IFI44: variants seen among roughly 807,000 people sequenced by gnomAD.
The protein encoded by IFI44 is interferon induced protein 44.
In IFI44, 42 loss-of-function variants were observed where a neutral mutation model predicts 45.0. That is an observed-to-expected ratio of 0.93 (90% CI 0.73 to 1.21). IFI44 has a LOEUF of 1.21. Among genes scored for constraint, IFI44 ranks in the 50% most tolerant of loss-of-function variants. IFI44 has a pLI of 0.00. For missense variants in IFI44, 623 were observed against 525.8 expected, an observed-to-expected ratio of 1.18 and a Z score of -1.81; for synonymous variants, 221 against 188.6, an observed-to-expected ratio of 1.17 and a Z score of -1.41.
chr1:78,654,426 A>G, intron 3 of IFI44, 147 bp downstream of exon 3: 2 of 528,886 alleles, frequency 3.8e-6, no homozygotes. Context: ...ATCATAAAAT[A>G]TTTGATAATA....
Position 78,650,406 on chromosome 1 carries a change from G to A in IFI44, c.211G>A (p.Glu71Lys). 1 of 1,613,956 alleles carries A rather than the reference G, an allele frequency of 6.2e-7. No homozygotes were observed. Among genetic ancestry groups the A allele is most frequent in the Non-Finnish European group, 8.5e-7 (1 of 1,179,880 alleles). ...AGCATATGCAGAAGAGAGTTACCAGGAAGGAAAGTATGCTTCCATCATCCT... is the reference window on the plus strand; with the variant it reads ...AGCATATGCAGAAGAGAGTTACCAGAAAGGAAAGTATGCTTCCATCATCCT... ...IGAYAEESYQ[E>K]GKYASIILFA... Residue 71 changes from glutamate (E) to lysine (K), a missense_variant, in exon 2 of 9, where the codon GAA becomes AAA. Physicochemically the swap from Glu to Lys is moderately conservative, Grantham distance 56 (BLOSUM62 1). Coordinates refer to ENST00000370747, the MANE Select transcript of IFI44 (RefSeq NM_006417.5).
chr1:78,657,202 C>T (rs1647232495), intron 5 of IFI44, among the ~76,000 whole-genome samples: 1 of 151,996 alleles, frequency 6.6e-6, no homozygotes, highest in Non-Finnish European at 1.5e-5. Context: ...TTTCTAATTG[C>T]TTTATAAATA....
At chr1:78,652,061 C>T (rs1000862270) in intron 2 of IFI44, among the ~76,000 whole-genome samples, 19 of 152,144 alleles carry the variant, frequency 1.2e-4, no homozygotes, top group African/African-American at 4.6e-4. Context: ...TCAAGGCAGG[C>T]AAGCATGCCC....
chr1:78,658,309 A>G (rs1647275971), intron 5 of IFI44, among the ~76,000 whole-genome samples: 1 of 152,080 alleles, frequency 6.6e-6, no homozygotes, highest in Admixed American at 6.6e-5. Context: ...AGTACCATGA[A>G]CAATCTCATC....
At chr1:78,655,672 A>G (rs1330901487) in intron 5 of IFI44, among the ~76,000 whole-genome samples, 161 bp downstream of exon 5, 1 of 152,038 alleles carries the variant, frequency 6.6e-6, no homozygotes, top group Non-Finnish European at 1.5e-5. Flanking sequence ...GGGCTCTTCC[A>G]TCATGGCTAT....
rs1246778144 is a variant in IFI44 at position 78,650,218 on chromosome 1, CAT to C, written c.24_25del (p.Trp9ValfsTer16). The C allele has an allele frequency of 5.6e-6, 9 of 1,604,908 alleles. No homozygotes were observed. The highest frequency in any genetic ancestry group is 7.7e-6 in the Non-Finnish European group (9 of 1,172,530). On this transcript the variant is annotated frameshift_variant, in exon 2 of 9. Transcript: ENST00000370747. LOFTEE classifies it high-confidence loss of function. ...AGTATGGCAGTGACAACTCGTTTGA[CAT>C]GGTTGCACGAAAAGATCCTGCAAAA...
intron 1 of IFI44, 82 bp from the exon 2 acceptor site, chr1:78,650,104 A>G (rs1370318268): frequency 1.6e-5 from 15 of 918,118 alleles, no homozygotes; most frequent in Non-Finnish European, 2.4e-5. Flanking sequence ...TAGAGTATAT[A>G]AGAGGCATAA....
rs767397102 is a variant in IFI44, at chr1:78,655,040, T to G, written c.521T>G (p.Leu174Trp). Residue 174 changes from leucine to tryptophan, a missense_variant, in exon 4 of 9, where the codon TTG becomes TGG. Leu to Trp is a moderately conservative substitution (Grantham distance 61). Transcript: ENST00000370747. ...IELRKSLLSA[L>W]RTYEPYGSLV... ...CTCAGGAAGAGCTTACTGTCTGCCT[T>G]GAGAACTTATGAACCATATGGATCC... is the stretch of plus-strand genomic sequence containing the variant. The G allele has an allele frequency of 6.2e-7, 1 of 1,613,500 alleles. No homozygotes were observed. Among genetic ancestry groups the G allele is most frequent in the African/African-American group, 1.3e-5 (1 of 75,030 alleles).
chr1:78,657,764 G>A (rs1647253205), intron 5 of IFI44, among the ~76,000 whole-genome samples: 1 of 152,072 alleles, frequency 6.6e-6, no homozygotes, highest in African/African-American at 2.4e-5. Flanking sequence ...ATAGGGTCAA[G>A]ATATTATTTT....
At position 78,650,243 on chromosome 1, in the gene IFI44, A is replaced by G; in HGVS notation, c.48A>G (p.Gln16=). 1 of 1,609,716 alleles carries G rather than the reference A, an allele frequency of 6.2e-7. No homozygotes were observed. The highest frequency in any genetic ancestry group is 8.5e-7 in the Non-Finnish European group (1 of 1,176,262). Residue 16 remains glutamine, a synonymous_variant, in exon 2 of 9, where the codon CAA becomes CAG. Transcript: ENST00000370747. ...CATGGTTGCACGAAAAGATCCTGCA[A>G]AATCATTTTGGAGGGAAGCGGCTTA... ...RLTWLHEKIL[Q]NHFGGKRLSL...
intron 5 of IFI44, among the ~76,000 whole-genome samples, chr1:78,656,222 G>T (rs1198124417): frequency 6.6e-6 from 1 of 152,158 alleles, no homozygotes; most frequent in Non-Finnish European, 1.5e-5. Context: ...TGACTGAGAC[G>T]TATGGCTGTC....
At chr1:78,662,620 C>G in intron 7 of IFI44, 84 bp from the exon 8 acceptor site, 1 of 1,075,840 alleles carries the variant, frequency 9.3e-7, no homozygotes, top group Non-Finnish European at 1.3e-6. Context: ...GTTCCTACAT[C>G]TTGATATTGC....
At chr1:78,663,052 T>C in intron 8 of IFI44, 174 bp downstream of exon 8, 2 of 1,464,214 alleles carry the variant, frequency 1.4e-6, no homozygotes, top group South Asian at 2.9e-5. Context: ...CATTTCCCTC[T>C]TTTCCTGGAG....
chr1:78,653,484 T>G (rs1001509305), intron 2 of IFI44, among the ~76,000 whole-genome samples: 1 of 152,220 alleles, frequency 6.6e-6, no homozygotes, highest in Non-Finnish European at 1.5e-5. Context: ...GCCATACATA[T>G]AGCCATGTTT....
In IFI44 at chr1:78,655,193, C is replaced by A. The variant is rs1203394804; in HGVS notation, c.674C>A (p.Thr225Asn). 1 of 1,613,384 alleles carries A rather than the reference C, an allele frequency of 6.2e-7. No individual in the cohort carries two copies. ...CAGGCTTTGGTGGGCACTAATACAA[C>A]TGGGATATCTGAGAAGGTAAGCACA... ...THQALVGTNTTGISEKYRTYS... is the reference protein window; with the variant it reads ...THQALVGTNTNGISEKYRTYS... The change falls in exon 4 of 9, where the codon ACT becomes AAT. Residue 225 changes from threonine (T) to asparagine (N), a missense_variant. Transcript: ENST00000370747.
intron 7 of IFI44, among the ~76,000 whole-genome samples, chr1:78,661,278 G>C (rs1647435412): frequency 2.6e-5 from 4 of 151,974 alleles, no homozygotes; most frequent in Admixed American, 2.6e-4. Context: ...TGGCCAGGCT[G>C]GTCTCAAACT....
At chr1:78,655,559 T>C in intron 5 of IFI44, 48 bp downstream of exon 5, 1 of 1,502,250 alleles carries the variant, frequency 6.7e-7, no homozygotes. Context: ...AAAATGCTTA[T>C]TTTTGTACAA....
At chr1:78,656,838 G>C (rs544433787) in intron 5 of IFI44, among the ~76,000 whole-genome samples, 1 of 150,462 alleles carries the variant, frequency 6.6e-6, no homozygotes, top group East Asian at 1.9e-4. Flanking sequence ...CTTTAGTATA[G>C]AGTTATCTTG....
intron 2 of IFI44, among the ~76,000 whole-genome samples, 162 bp downstream of exon 2, chr1:78,650,814 G>A (rs1334180920): frequency 6.6e-6 from 1 of 152,108 alleles, no homozygotes; most frequent in Non-Finnish European, 1.5e-5. Flanking sequence ...GACAACCATG[G>A]TCAATAAAAT....
Sources: gnomAD v4.1 joint callset for allele counts (sites outside exome capture counted in the v4.1 genomes callset) on GRCh38, gnomAD v4.1.1 for gene constraint, MANE v1.5 for transcripts, NCBI Gene and HGNC (gene_info 2026-07-23, HGNC 2026-07-21) for gene names.